Variants in ADGRB1 observed in about 807,000 individuals in gnomAD.
The protein encoded by ADGRB1 is adhesion G protein-coupled receptor B1, also known as brain-specific angiogenesis inhibitor 1.
A neutral mutation model predicts 175.7 loss-of-function variants in ADGRB1; 36 were observed. The ratio of observed to expected loss-of-function variants is 0.20; its 90% CI spans 0.16 to 0.27. The LOEUF (loss-of-function observed/expected upper bound fraction) is 0.27, where lower values mean the gene tolerates loss of function less well. Ranked by LOEUF, ADGRB1 falls within the 10% of genes least tolerant of loss-of-function variation. ADGRB1 has a pLI of 1.00. For synonymous variants in ADGRB1, 1,054 were observed against 979.4 expected, an observed-to-expected ratio of 1.08 and a Z score of -1.42; for missense variants, 1,731 against 2,255.3, an observed-to-expected ratio of 0.77 and a Z score of 4.71.
chr8:142,498,191 C>T (rs1207932469), intron 17 of ADGRB1, among the ~76,000 whole-genome samples: 2 of 152,200 alleles, frequency 1.3e-5, no homozygotes, highest in Admixed American at 6.5e-5. Flanking sequence ...GGCAGCGGCT[C>T]CGATCTGCAG....
chr8:142,538,025 C>T (rs1845043667), intron 26 of ADGRB1, among the ~76,000 whole-genome samples: 1 of 152,222 alleles, frequency 6.6e-6, no homozygotes, highest in East Asian at 1.9e-4. Flanking sequence ...AGCATCCACG[C>T]CCTGGCCTGG....
Position 142,518,182 on chromosome 8 carries a change from C to T in ADGRB1, c.2862C>T (p.Gly954=). 1 of 1,613,824 alleles carries T rather than the reference C, an allele frequency of 6.2e-7. No individual in the cohort carries two copies. The highest frequency in any genetic ancestry group is 8.5e-7 in the Non-Finnish European group (1 of 1,179,810). The change falls in exon 19 of 31, where the codon GGC becomes GGT. Residue 954 remains glycine (G), a synonymous_variant. Transcript: ENST00000517894. The part of the protein sequence containing the change: ...ATLPSVTLIV[G]CGVSSLTLLM... ...TGCCGTCGGTGACGCTCATCGTGGG[C>T]TGTGGCGTGTCCTCTCTCACCCTGC...
chr8:142,481,877 G>A (rs1336987561), intron 11 of ADGRB1, among the ~76,000 whole-genome samples, 166 bp downstream of exon 11: 1 of 152,208 alleles, frequency 6.6e-6, no homozygotes, highest in Non-Finnish European at 1.5e-5. Context: ...GTCACACATT[G>A]AGCCCTGACC....
At chr8:142,477,623 C>A in intron 6 of ADGRB1, 74 bp downstream of exon 6, 1 of 1,513,942 alleles carries the variant, frequency 6.6e-7, no homozygotes, top group Non-Finnish European at 8.9e-7. Flanking sequence ...ACCGGCCAGG[C>A]CCAGGAGCCC....
chr8:142,501,236 G>A (rs1451867332), intron 17 of ADGRB1, among the ~76,000 whole-genome samples: 2 of 152,176 alleles, frequency 1.3e-5, no homozygotes, highest in Non-Finnish European at 2.9e-5. Context: ...GACAGTGGTG[G>A]TAATGACTGT....
At chr8:142,479,547 T>C in intron 8 of ADGRB1, 60 bp downstream of exon 8, 12 of 1,509,520 alleles carry the variant, frequency 7.9e-6, no homozygotes, top group Non-Finnish European at 1.1e-5. Flanking sequence ...TGGGCGGGCT[T>C]GGGCTCAGCT....
intron 17 of ADGRB1, among the ~76,000 whole-genome samples, chr8:142,499,781 G>A (rs1004199086): frequency 2.6e-5 from 4 of 152,210 alleles, no homozygotes; most frequent in Admixed American, 6.5e-5. Flanking sequence ...TGGGGGTAGC[G>A]GGGGCGTGCA....
intron 18 of ADGRB1, 62 bp from the exon 19 acceptor site, chr8:142,518,076 G>T (rs1407608870): frequency 6.5e-7 from 1 of 1,533,366 alleles, no homozygotes; most frequent in Admixed American, 1.7e-5. Context: ...CTCAGTCTTC[G>T]GGTCTGCCGA....
At chr8:142,524,441 A>G (rs891025136) in intron 23 of ADGRB1, 137 bp downstream of exon 23, 8 of 1,015,700 alleles carry the variant, frequency 7.9e-6, no homozygotes, top group Admixed American at 7.4e-5. Flanking sequence ...CCTCATCACC[A>G]GGGGGTGGGG....
Position 142,542,404 on chromosome 8 carries a change from C to G in ADGRB1, c.4170C>G (p.Ala1390=), listed in dbSNP as rs931132452. Residue 1390 remains alanine (A), a synonymous_variant, in exon 28 of 31, where the codon GCC becomes GCG. Coordinates refer to ENST00000517894, the MANE Select transcript of ADGRB1 (RefSeq NM_001702.3). This position sits in a 1 kb window ranked among gnomAD's most constrained non-coding sequence, Gnocchi z 6.3. Reference sequence around the variant, plus strand: ...CGGCCCCCGAGGCCAGCCTCCCCGCCCGCAGCCCGCCCTCCCGCCAGCCCC... The same window carrying G: ...CGGCCCCCGAGGCCAGCCTCCCCGCGCGCAGCCCGCCCTCCCGCCAGCCCC... ...LSTAPEASLP[A]RSPPSRQPPS... is the part of the protein sequence containing the mutation. The G allele has an allele frequency of 1.3e-6, 2 of 1,544,146 alleles. No homozygotes were observed. Among genetic ancestry groups the G allele is most frequent in the Non-Finnish European group, 1.7e-6 (2 of 1,145,386 alleles).
chr8:142,525,304 G>T (rs992836777), intron 23 of ADGRB1, among the ~76,000 whole-genome samples: 1 of 151,528 alleles, frequency 6.6e-6, no homozygotes, highest in East Asian at 2.0e-4. Flanking sequence ...GGTACCTGGC[G>T]GTACCCCAGG....
At chr8:142,497,633 C>CA in intron 17 of ADGRB1, among the ~76,000 whole-genome samples, 1 of 152,296 alleles carries the variant, frequency 6.6e-6, no homozygotes, top group South Asian at 2.1e-4. Flanking sequence ...GCCTCGGGGA[C>CA]AGGGGAGAGG....
intron 17 of ADGRB1, among the ~76,000 whole-genome samples, chr8:142,502,344 G>GTGGTGA (rs1842627379): frequency 1.3e-5 from 1 of 77,882 alleles, no homozygotes; most frequent in Non-Finnish European, 2.8e-5. Flanking sequence ...GATGGTGGTG[G>GTGGTGA]TGATGGGGAG....
intron 7 of ADGRB1, chr8:142,478,996 C>T (rs374292943): frequency 9.5e-4 from 160 of 167,828 alleles, no homozygotes; most frequent in African/African-American, 5.7e-3. Flanking sequence ...CGTGGAGTAG[C>T]GGGGTGCACA....
chr8:142,494,132 A>G (rs1842107995), intron 17 of ADGRB1, among the ~76,000 whole-genome samples: 1 of 152,170 alleles, frequency 6.6e-6, no homozygotes, highest in South Asian at 2.1e-4. Flanking sequence ...TCAGCTGAGA[A>G]GTAGTGAACT....
chr8:142,495,538 G>A (rs1009216096), intron 17 of ADGRB1, among the ~76,000 whole-genome samples: 9 of 152,106 alleles, frequency 5.9e-5, no homozygotes, highest in African/African-American at 2.2e-4. Context: ...TGTTAGTAGG[G>A]CCATGCTCCT....
At chr8:142,509,103 C>G (rs1280199460) in intron 17 of ADGRB1, among the ~76,000 whole-genome samples, 3 of 152,234 alleles carry the variant, frequency 2.0e-5, no homozygotes, top group Non-Finnish European at 4.4e-5. Context: ...GCCAGCGGCT[C>G]ACAGCATGTC....
rs753181180 is a variant in ADGRB1 at position 142,535,370 on chromosome 8, G to A, written c.3571-1617G>A. 2.3e-4 allele frequency among the ~76,000 whole-genome samples: 35 copies of A among 152,098 alleles called. 1 individual carries two copies. The highest frequency in any genetic ancestry group is 1.5e-3 in the East Asian group (8 of 5,174). On this transcript the variant is annotated intron_variant, in intron 25 of 30. Coordinates refer to ENST00000517894, the MANE Select transcript of ADGRB1 (RefSeq NM_001702.3). ...GACCCAGCATGCTCCTATGGTGGGC[G>A]GGGACAGAGGACACCAGGGCCAGAC...
In ADGRB1 at chr8:142,542,421, G is replaced by A. The variant is rs764161080; in HGVS notation, c.4187G>A (p.Arg1396His). 16 of 854,402 alleles carry A rather than the reference G, an allele frequency of 1.9e-5. No individual in the cohort carries two copies. The highest frequency in any genetic ancestry group is 4.6e-4 in the Middle Eastern group (1 of 2,194). 52.9% of individuals were successfully genotyped at this position (854,402 alleles called of 1,614,324 possible). A position where few individuals can be genotyped will look rare whatever the true frequency, so the allele number is the denominator to read the frequency against. ...CTCCCCGCCCGCAGCCCGCCCTCCC[G>A]CCAGCCCCCCAGCGGCGGGCCCCCC... is the stretch of plus-strand genomic sequence containing the variant. ...ASLPARSPPS[R>H]QPPSGGPPEA... is the part of the protein sequence containing the mutation. Residue 1396 changes from arginine to histidine, a missense_variant, in exon 28 of 31, where the codon CGC (arginine) becomes CAC (histidine). Around this residue, in one of 8 missense-constraint regions of ADGRB1, gnomAD observed 394 missense variants for 410.2 expected, o/e 0.96. Transcript: ENST00000517894. This position sits in a 1 kb window ranked among gnomAD's most constrained non-coding sequence, Gnocchi z 6.3.
Sources: allele counts gnomAD v4.1 joint callset (sites outside exome capture counted in the v4.1 genomes callset), GRCh38; gene constraint gnomAD v4.1.1; regional missense constraint gnomAD v4.1.1; non-coding constraint Gnocchi (gnomAD v3.1); transcripts MANE v1.5; gene names NCBI Gene and HGNC (gene_info 2026-07-23, HGNC 2026-07-21).